The following QPCT variants were observed in gnomAD, a reference collection of about 807,000 sequenced individuals.
QPCT encodes the protein glutaminyl-peptide cyclotransferase.
Under a neutral mutation model 43.4 loss-of-function variants are expected in QPCT, and 44 were observed. The observed-to-expected ratio is 1.01, with a 90% CI of 0.80 to 1.30. The LOEUF (loss-of-function observed/expected upper bound fraction) is 1.30, where lower values mean the gene tolerates loss of function less well. Among genes scored for constraint, QPCT ranks in the 50% most tolerant of loss-of-function variants. The probability of loss-of-function intolerance (pLI) is 0.00; values close to 1 mark genes in which losing one functional copy is unlikely to be tolerated. For synonymous variants in QPCT, 168 were observed against 168.4 expected (o/e 1.00, Z 0.02); for missense variants, 526 against 436.5 (o/e 1.21, Z -1.83).
At chr2:37,366,590 AG>A (rs1672966071) in intron 3 of QPCT, among the ~76,000 whole-genome samples, 3 of 152,374 alleles carry the variant, frequency 2.0e-5, no homozygotes, top group East Asian at 1.9e-4. Context: ...CAGTTGTTTC[AG>A]GTTGGATTCC....
Position 37,363,459 on chromosome 2 carries a change from CAA to C in QPCT, c.546+3622_546+3623del, listed in dbSNP as rs760030748. The stretch of plus-strand genomic sequence containing the variant: ...GCAACATAGTGAGGCTCCCTCTCTA[CAA>C]AAAAAAAAAAAAAAAAAAAATTAGC... On this transcript the variant is annotated intron_variant, in intron 3 of 6. Transcript: ENST00000338415. Among the ~76,000 whole-genome samples, 6 of 47,830 alleles carry C rather than the reference CAA, an allele frequency of 1.3e-4. No individual in the cohort carries two copies. The South Asian group carries it at 2.6e-3, about 20-fold the overall frequency. 31.4% of individuals were successfully genotyped at this position (47,830 alleles called of 152,430 possible).
At position 37,359,743 on chromosome 2, in the gene QPCT, A is replaced by T; in HGVS notation, c.431A>T (p.Lys144Met). 6.2e-7 allele frequency: 1 copy of T among 1,614,128 alleles called. No homozygotes were observed. Among genetic ancestry groups the T allele is most frequent in the Admixed American group, 1.7e-5 (1 of 60,018 alleles). ...HLVLACHYDS[K>M]YFSHWNNRVF... ...GTCCTCGCCTGCCACTATGACTCCA[A>T]GTATTTTTCCCACTGGAACAACAGA... The change falls in exon 3 of 7, where the codon AAG becomes ATG. Residue 144 changes from lysine to methionine, a missense_variant. Coordinates refer to ENST00000338415, the MANE Select transcript of QPCT (RefSeq NM_012413.4).
rs1335023486 is a variant in QPCT at position 37,373,123 on chromosome 2, G to C, written c.*296G>C. ...AGATAAACACGATGAGGCAAAATCA[G>C]GTTCATTCATTCAACGATAGTTTCT... On this transcript the variant is annotated 3_prime_UTR_variant, in exon 7 of 7. Coordinates refer to ENST00000338415, the MANE Select transcript of QPCT (RefSeq NM_012413.4). The C allele has an allele frequency of 4.9e-6, 1 of 202,042 alleles. No homozygotes were observed. Among genetic ancestry groups the C allele is most frequent in the African/African-American group, 2.3e-5 (1 of 43,222 alleles). 12.5% of individuals were successfully genotyped at this position (202,042 alleles called of 1,614,324 possible). A position where few individuals can be genotyped will look rare whatever the true frequency, so the allele number is the denominator to read the frequency against.
At chr2:37,364,731 G>A (rs902394204) in intron 3 of QPCT, among the ~76,000 whole-genome samples, 11 of 152,232 alleles carry the variant, frequency 7.2e-5, no homozygotes, top group East Asian at 1.9e-4. Flanking sequence ...ACAGATTTCC[G>A]GGGGAACCTC....
chr2:37,361,976 C>T (rs1430363338), intron 3 of QPCT, among the ~76,000 whole-genome samples: 1 of 152,196 alleles, frequency 6.6e-6, no homozygotes, highest in Non-Finnish European at 1.5e-5. Context: ...GGCTATTTTT[C>T]TGCCATTCCT....
At chr2:37,354,687 A>G (rs1216197082) in intron 2 of QPCT, among the ~76,000 whole-genome samples, 1 of 152,170 alleles carries the variant, frequency 6.6e-6, no homozygotes, top group Non-Finnish European at 1.5e-5. Context: ...CACTTTAACA[A>G]CATTCCCTGG....
At chr2:37,358,639 G>C (rs1672797798) in intron 2 of QPCT, 1 of 152,164 alleles carries the variant, frequency 6.6e-6, no homozygotes, top group Non-Finnish European at 1.5e-5. Context: ...TTCTGCACCT[G>C]TTGCTTTCTT....
chr2:37,352,922 ATGC>A lies in QPCT; in HGVS notation c.259_261del (p.Ala87del). On this transcript the variant is annotated inframe_deletion, in exon 2 of 7. Transcript: ENST00000338415. Reference sequence around the variant, plus strand: ...CGATACCCGGGATCCCCTGGAAGCTATGCTGCTCGTCAGGTGAGAACATGGGAC... The same window carrying A: ...CGATACCCGGGATCCCCTGGAAGCTATGCTCGTCAGGTGAGAACATGGGAC... 1 of 1,613,668 alleles carries A rather than the reference ATGC, an allele frequency of 6.2e-7. No individual in the cohort carries two copies. The highest frequency in any genetic ancestry group is 8.5e-7 in the Non-Finnish European group (1 of 1,179,642).
chr2:37,346,534 A>G (rs1050823105), intron 1 of QPCT, among the ~76,000 whole-genome samples: 7 of 152,186 alleles, frequency 4.6e-5, no homozygotes, highest in Non-Finnish European at 7.4e-5. Context: ...GGCAGGGGGT[A>G]TTTATGGGTG....
At chr2:37,346,737 T>G (rs866231335) in intron 1 of QPCT, among the ~76,000 whole-genome samples, 6 of 152,188 alleles carry the variant, frequency 3.9e-5, no homozygotes, top group African/African-American at 1.4e-4. Context: ...AGTTTCTAGC[T>G]TCCTCCCCTT....
At chr2:37,350,370 G>T (rs968641586) in intron 1 of QPCT, among the ~76,000 whole-genome samples, 9 of 152,154 alleles carry the variant, frequency 5.9e-5, no homozygotes, top group Admixed American at 1.3e-4. Context: ...CTATTGCTTT[G>T]TCTTTCAGCT....
intron 3 of QPCT, among the ~76,000 whole-genome samples, chr2:37,360,949 G>T (rs1463759188): frequency 6.6e-6 from 1 of 152,128 alleles, no homozygotes; most frequent in East Asian, 1.9e-4. Flanking sequence ...TGAAGACATT[G>T]TTCTGTGTAA....
intron 4 of QPCT, 22 bp downstream of exon 4, chr2:37,367,430 A>G (rs1007026485): frequency 5.0e-6 from 8 of 1,603,228 alleles, no homozygotes; most frequent in Non-Finnish European, 6.0e-6. Flanking sequence ...CAATTTCCCT[A>G]GCACTGTAGC....
chr2:37,359,901 A>G (rs1672828460), intron 3 of QPCT, 43 bp downstream of exon 3: 2 of 1,576,398 alleles, frequency 1.3e-6, no homozygotes, highest in Non-Finnish European at 1.7e-6. Context: ...AAAGTACATT[A>G]ACAGTAACTC....
At chr2:37,366,133 A>G (rs750367101) in intron 3 of QPCT, among the ~76,000 whole-genome samples, 6 of 152,040 alleles carry the variant, frequency 3.9e-5, no homozygotes, top group Non-Finnish European at 7.4e-5. Context: ...GGGGTGAAGG[A>G]CCATGAAAAG....
chr2:37,356,881 C>T (rs1156263320), intron 2 of QPCT, among the ~76,000 whole-genome samples: 3 of 152,132 alleles, frequency 2.0e-5, no homozygotes, highest in Admixed American at 6.5e-5. Flanking sequence ...TGGCATGTGC[C>T]TGTGGTCCCA....
chr2:37,347,179 A>AT lies in QPCT; in HGVS notation c.120+2328_120+2329insT, dbSNP rs1244639524. ...ATATATATATAACATATATATATAT[A>AT]ACATATATATATAACATATATATAT... On this transcript the variant is annotated intron_variant, in intron 1 of 6. Transcript: ENST00000338415. Among the ~76,000 whole-genome samples the AT allele has an allele frequency of 2.6e-4, 13 of 50,750 alleles. 1 individual carries two copies. The highest frequency in any genetic ancestry group is 9.6e-4 in the African/African-American group (9 of 9,336). 33.3% of individuals were successfully genotyped at this position (50,750 alleles called of 152,430 possible).
intron 3 of QPCT, among the ~76,000 whole-genome samples, chr2:37,362,522 C>T (rs1394070035): frequency 2.0e-5 from 3 of 152,108 alleles, no homozygotes; most frequent in East Asian, 1.9e-4. Context: ...AAATGATTAG[C>T]GTACAAAATT....
chr2:37,344,851 G>C lies in QPCT; in HGVS notation c.120G>C (p.Lys40Asn). Residue 40 changes from lysine to asparagine, a missense_variant and splice_region_variant, in exon 1 of 7, where the codon AAG becomes AAC. By Grantham distance (94) the Lys-to-Asn change is moderately conservative (BLOSUM62 0). Transcript: ENST00000338415. ...GTGCCTCAGCCTGGCCAGAGGAGAAGGTGAGGGGCTGTTTCTGCGTAGTTG... is the reference window on the plus strand; with the variant it reads ...GTGCCTCAGCCTGGCCAGAGGAGAACGTGAGGGGCTGTTTCTGCGTAGTTG... The part of the protein sequence containing the change: ...SPSASAWPEE[K>N]NYHQPAILNS... 6.3e-7 allele frequency: 1 copy of C among 1,584,594 alleles called. No individual in the cohort carries two copies. The highest frequency in any genetic ancestry group is 8.6e-7 in the Non-Finnish European group (1 of 1,167,248).
Sources: gnomAD v4.1 joint callset for allele counts (sites outside exome capture counted in the v4.1 genomes callset) on GRCh38, gnomAD v4.1.1 for gene constraint, MANE v1.5 for transcripts, NCBI Gene and HGNC (gene_info 2026-07-23, HGNC 2026-07-21) for gene names.